GLYATL1: variants seen among roughly 807,000 people sequenced by gnomAD.
GLYATL1 encodes the protein glycine-N-acyltransferase like 1.
In GLYATL1, 15 loss-of-function variants were observed where a neutral mutation model predicts 20.0. The observed-to-expected ratio is 0.75, with a 90% CI of 0.50 to 1.15. The LOEUF is 1.15. Ranked by LOEUF, GLYATL1 falls within the 50% of genes most tolerant of loss-of-function variation. The pLI is 0.00. For missense variants in GLYATL1, 380 were observed against 368.5 expected, an observed-to-expected ratio of 1.03 and a Z score of -0.26; for synonymous variants, 151 against 131.5, an observed-to-expected ratio of 1.15 and a Z score of -1.01.
chr11:58,945,101 G>A (rs998841571), intron 2 of GLYATL1, among the ~76,000 whole-genome samples: 6 of 150,570 alleles, frequency 4.0e-5, no homozygotes, highest in Admixed American at 1.3e-4. Flanking sequence ...ATGAGTAATT[G>A]TGATTTCATG....
chr11:58,946,974 T>G, intron 2 of GLYATL1, 72 bp from the exon 3 acceptor site: 22 of 1,045,542 alleles, frequency 2.1e-5, no homozygotes, highest in Non-Finnish European at 3.0e-5. Context: ...GTTACTTGAA[T>G]GGAGATGTAT....
chr11:58,923,131 A>T (rs2135117469), upstream of GLYATL1, among the ~76,000 whole-genome samples: 1 of 152,174 alleles, frequency 6.6e-6, no homozygotes, highest in East Asian at 1.9e-4. Flanking sequence ...TTCAGACCGA[A>T]TCCCTTCTGA....
chr11:58,909,649 T>G (rs1297788296), downstream of GLYATL1, among the ~76,000 whole-genome samples: 4 of 152,220 alleles, frequency 2.6e-5, no homozygotes, highest in Non-Finnish European at 5.9e-5. Flanking sequence ...ATTTGGCGAA[T>G]AAGACAGCTG....
intron 4 of GLYATL1, among the ~76,000 whole-genome samples, chr11:58,953,571 T>A (rs1857166266): frequency 6.6e-6 from 1 of 152,118 alleles, no homozygotes; most frequent in South Asian, 2.1e-4. Context: ...ATAGCTTTCA[T>A]TTTTACAAAT....
At chr11:58,916,088 G>A (rs1855164878) in intron 1 of GLYATL1, among the ~76,000 whole-genome samples, 1 of 152,134 alleles carries the variant, frequency 6.6e-6, no homozygotes, top group Admixed American at 6.5e-5. Context: ...ACCTTGGAAA[G>A]GAAGAGACAT....
At chr11:58,929,565 T>C (rs1480478029) in intron 1 of GLYATL1, among the ~76,000 whole-genome samples, 2 of 152,224 alleles carry the variant, frequency 1.3e-5, no homozygotes, top group Non-Finnish European at 2.9e-5. Context: ...GCCAAACTTC[T>C]TTTTGGTATT....
chr11:58,919,487 G>A (rs927035919), intron 1 of GLYATL1, among the ~76,000 whole-genome samples: 6 of 152,246 alleles, frequency 3.9e-5, no homozygotes, highest in Admixed American at 3.9e-4. Flanking sequence ...GTTCAGTAAT[G>A]AACTATTTCA....
intron 4 of GLYATL1, 52 bp from the exon 5 acceptor site, chr11:58,954,718 A>C: frequency 6.7e-7 from 1 of 1,502,204 alleles, no homozygotes; most frequent in Non-Finnish European, 8.9e-7. Context: ...AACCAGTGAG[A>C]GGTGAAGAAA....
chr11:58,956,274 A>C lies in GLYATL1; in HGVS notation c.*247A>C. 1 of 471,350 alleles carries C rather than the reference A, an allele frequency of 2.1e-6. No individual in the cohort carries two copies. The allele number at this position is 471,350 out of a possible 1,614,324, so 29.2% of individuals were successfully genotyped here. A position where few individuals can be genotyped will look rare whatever the true frequency, so the allele number is the denominator to read the frequency against. ...TGTTATAGGGAAAGACGGGGTTACC[A>C]GTAAACATGTAACTAGAAAGCCAGG... On this transcript the variant is annotated 3_prime_UTR_variant, in exon 7 of 7. Coordinates refer to ENST00000532726, the MANE Select transcript of GLYATL1 (RefSeq NM_001389712.2).
At chr11:58,921,615 G>T (rs1415883898) in intron 1 of GLYATL1, among the ~76,000 whole-genome samples, 1 of 152,076 alleles carries the variant, frequency 6.6e-6, no homozygotes. Flanking sequence ...TTTAGCCTTG[G>T]CCGGCTCTCG....
upstream of GLYATL1, among the ~76,000 whole-genome samples, chr11:58,926,721 T>G (rs1855437412): frequency 6.6e-6 from 1 of 152,252 alleles, no homozygotes; most frequent in African/African-American, 2.4e-5. Flanking sequence ...CATTAATCAT[T>G]AAGATGGCAA....
intron 2 of GLYATL1, among the ~76,000 whole-genome samples, chr11:58,945,512 A>T (rs1467396244): frequency 1.3e-5 from 2 of 152,194 alleles, no homozygotes; most frequent in African/African-American, 4.8e-5. Context: ...GATTGTTCTC[A>T]TGTATCAGCC....
chr11:58,933,434 T>C (rs1855689476), intron 1 of GLYATL1, among the ~76,000 whole-genome samples: 1 of 152,196 alleles, frequency 6.6e-6, no homozygotes, highest in Admixed American at 6.5e-5. Context: ...CCTCTATTTA[T>C]ATAGATTAGA....
chr11:58,936,178 G>A (rs1855827117), upstream of GLYATL1, among the ~76,000 whole-genome samples: 1 of 152,216 alleles, frequency 6.6e-6, no homozygotes, highest in African/African-American at 2.4e-5. Flanking sequence ...ATTCAAGCCA[G>A]TACCAGGCTA....
intron 1 of GLYATL1, among the ~76,000 whole-genome samples, chr11:58,932,773 A>G (rs1468630303): frequency 6.6e-6 from 1 of 152,238 alleles, no homozygotes; most frequent in African/African-American, 2.4e-5. Context: ...TACCTTTACT[A>G]CATATATATG....
upstream of GLYATL1, chr11:58,939,464 T>C (rs374659541): frequency 2.6e-5 from 4 of 152,408 alleles, no homozygotes; most frequent in East Asian, 7.7e-4. Context: ...AGCTTTTGGT[T>C]TCCCGACCAG....
chr11:58,954,714 T>G, intron 4 of GLYATL1, 56 bp from the exon 5 acceptor site: 1 of 1,494,840 alleles, frequency 6.7e-7, no homozygotes, highest in Admixed American at 2.3e-5. Context: ...TTGCAACCAG[T>G]GAGAGGTGAA....
chr11:58,947,464 G>C (rs2135224564), intron 3 of GLYATL1: 1 of 485,992 alleles, frequency 2.1e-6, no homozygotes, highest in Non-Finnish European at 3.7e-6. Context: ...TTTCTAGTCA[G>C]ATGGCTTTGT....
intron 1 of GLYATL1, among the ~76,000 whole-genome samples, chr11:58,915,514 C>A (rs978055566): frequency 6.6e-6 from 1 of 152,146 alleles, no homozygotes; most frequent in African/African-American, 2.4e-5. Flanking sequence ...CTGGGCCTGG[C>A]CAGCTGCTCT....
Sources: gnomAD v4.1 joint callset for allele counts (sites outside exome capture counted in the v4.1 genomes callset) on GRCh38, gnomAD v4.1.1 for gene constraint, MANE v1.5 for transcripts, NCBI Gene and HGNC (gene_info 2026-07-23, HGNC 2026-07-21) for gene names.